CCNY: variants seen among roughly 807,000 people sequenced by gnomAD.
CCNY encodes cyclin-Y.
In CCNY, 19 loss-of-function variants were observed where a neutral mutation model predicts 42.8. The observed-to-expected ratio is 0.44, with a 90% confidence interval of 0.31 to 0.65. The LOEUF is 0.65. Ranked by LOEUF, CCNY falls within the 30% of genes least tolerant of loss-of-function variation. The pLI, the probability that CCNY is intolerant of heterozygous loss-of-function variation, is 0.07. For missense variants in CCNY, 370 were observed against 437.3 expected (o/e 0.85, Z 1.37); for synonymous variants, 165 against 162.7 (o/e 1.01, Z -0.11).
At chr10:35,376,862 A>G (rs1249826194) in intron 1 of CCNY, among the ~76,000 whole-genome samples, 1 of 152,232 alleles carries the variant, frequency 6.6e-6, no homozygotes, top group East Asian at 1.9e-4. Context: ...TAATAGAGAC[A>G]GGAAGTAGGT....
chr10:35,425,143 A>C (rs1838238978), intron 1 of CCNY, among the ~76,000 whole-genome samples: 1 of 152,228 alleles, frequency 6.6e-6, no homozygotes, highest in African/African-American at 2.4e-5. Context: ...AGAAACTGCC[A>C]GGCCGATGTT....
intron 1 of CCNY, chr10:35,434,107 C>G (rs1339676332): frequency 6.6e-6 from 1 of 152,218 alleles, no homozygotes; most frequent in Non-Finnish European, 1.5e-5. Flanking sequence ...AATTTATTCT[C>G]TTTAGGGTAT....
Position 35,570,974 on chromosome 10 carries a change from C to G in CCNY, c.*1804C>G, listed in dbSNP as rs570327449. 151 of 152,416 alleles carry G rather than the reference C, an allele frequency of 9.9e-4. No homozygotes were observed. Among genetic ancestry groups the G allele is most frequent in the African/African-American group, 3.3e-3 (137 of 41,564 alleles). 9.4% of individuals were successfully genotyped at this position (152,416 alleles called of 1,614,324 possible). On this transcript the variant is annotated 3_prime_UTR_variant, in exon 10 of 10. Transcript: ENST00000374704. ...TCCATTGTAATTGTGATGATCTACT[C>G]TGTATGGGTACCAAAATCACCTTCT...
At chr10:35,249,459 A>G (rs2095710317) in intron 2 of CCNY, among the ~76,000 whole-genome samples, 1 of 152,220 alleles carries the variant, frequency 6.6e-6, no homozygotes, top group Non-Finnish European at 1.5e-5. Flanking sequence ...TAAAAAAATA[A>G]CTAGAATGAT....
chr10:35,507,907 A>G (rs1181932070), intron 3 of CCNY, among the ~76,000 whole-genome samples: 1 of 151,988 alleles, frequency 6.6e-6, no homozygotes, highest in East Asian at 1.9e-4. Flanking sequence ...TGCCCTTTTC[A>G]AGACATCAAA....
At chr10:35,499,868 C>T (rs1354736621) in intron 2 of CCNY, among the ~76,000 whole-genome samples, 7 of 152,196 alleles carry the variant, frequency 4.6e-5, no homozygotes, top group African/African-American at 1.7e-4. Flanking sequence ...TCATCATATC[C>T]CCATCCTTGG....
At chr10:35,545,639 A>G (rs1350544187) in intron 7 of CCNY, among the ~76,000 whole-genome samples, 2 of 152,208 alleles carry the variant, frequency 1.3e-5, no homozygotes, top group African/African-American at 4.8e-5. Flanking sequence ...ACTTGGGGTT[A>G]GGACTTCAAC....
intron 1 of CCNY, among the ~76,000 whole-genome samples, chr10:35,368,428 A>G (rs1836856476): frequency 6.6e-6 from 1 of 152,198 alleles, no homozygotes; most frequent in Non-Finnish European, 1.5e-5. Flanking sequence ...TCTAATGTAA[A>G]ATTAAACTTT....
At position 35,530,353 on chromosome 10, in the gene CCNY, T is replaced by C. The variant is rs761040743; in HGVS notation, c.579+110T>C. ...GCAGGGAATCCTCACCAGGTTACCC[T>C]GTGGACACCGTGGCATAAGCTTCAG... On this transcript the variant is annotated intron_variant, in intron 7 of 9. Coordinates refer to ENST00000374704, the MANE Select transcript of CCNY (RefSeq NM_145012.6). The surrounding 1 kb of genome is among the most constrained non-coding windows in gnomAD (Gnocchi z 4.3). 5.9e-5 allele frequency: 79 copies of C among 1,336,200 alleles called. No individual in the cohort carries two copies. Among genetic ancestry groups the C allele is most frequent in the Non-Finnish European group, 7.6e-5 (73 of 960,366 alleles). The allele number at this position is 1,336,200 out of a possible 1,614,324, so 82.8% of individuals were successfully genotyped here.
At chr10:35,423,361 A>G (rs143770128) in intron 1 of CCNY, among the ~76,000 whole-genome samples, 9 of 151,976 alleles carry the variant, frequency 5.9e-5, no homozygotes, top group Middle Eastern at 3.4e-3. Context: ...TGTATTCTCA[A>G]CTACTTGGGA....
At chr10:35,465,266 G>A (rs953754660) in intron 1 of CCNY, among the ~76,000 whole-genome samples, 3 of 152,130 alleles carry the variant, frequency 2.0e-5, no homozygotes, top group Non-Finnish European at 4.4e-5. Flanking sequence ...TTCACTGACC[G>A]ATGGCCCCTC....
intron 3 of CCNY, among the ~76,000 whole-genome samples, chr10:35,328,049 C>T (rs1024276121): frequency 6.6e-6 from 1 of 152,178 alleles, no homozygotes; most frequent in Non-Finnish European, 1.5e-5. Flanking sequence ...TAGCAGAGAA[C>T]GATAACACTT....
intron 1 of CCNY, among the ~76,000 whole-genome samples, chr10:35,453,789 G>A (rs1040320199): frequency 3.9e-5 from 6 of 151,964 alleles, no homozygotes; most frequent in African/African-American, 1.5e-4. Flanking sequence ...TAACCATATT[G>A]ATGTTTTACT....
At chr10:35,514,632 T>A (rs1410864940) in intron 3 of CCNY, among the ~76,000 whole-genome samples, 1 of 152,248 alleles carries the variant, frequency 6.6e-6, no homozygotes, top group Non-Finnish European at 1.5e-5. Context: ...TATATTTTCT[T>A]AGGGAAACCA....
chr10:35,293,536 C>T (rs1835438239), intron 3 of CCNY, among the ~76,000 whole-genome samples: 1 of 152,152 alleles, frequency 6.6e-6, no homozygotes, highest in South Asian at 2.1e-4. Context: ...TGCACTGAAT[C>T]TGTAGGTCAA....
rs1443011998 is a variant in CCNY, at chr10:35,532,323, T to G, written c.579+2080T>G. Among the ~76,000 whole-genome samples, 3 of 152,204 alleles carry G rather than the reference T, an allele frequency of 2.0e-5. No individual in the cohort carries two copies. In the East Asian group the frequency reaches 5.8e-4, roughly 29 times the overall value. ...AGAGATGCATTCATTAAGCCCTTAT[T>G]TTCACTGGGCATGTGTTTGGCATCT... On this transcript the variant is annotated intron_variant, in intron 7 of 9. Transcript: ENST00000374704.
At chr10:35,410,557 G>A (rs1023623695) in intron 1 of CCNY, among the ~76,000 whole-genome samples, 1 of 152,234 alleles carries the variant, frequency 6.6e-6, no homozygotes, top group African/African-American at 2.4e-5. Context: ...AAGAGTTTCT[G>A]TGCACTGTGG....
At chr10:35,393,685 T>C (rs1837463102) in intron 1 of CCNY, among the ~76,000 whole-genome samples, 1 of 152,166 alleles carries the variant, frequency 6.6e-6, no homozygotes, top group South Asian at 2.1e-4. Context: ...CTTCTTTGCA[T>C]TCAGTAGATT....
At chr10:35,393,989 G>T (rs1443715500) in intron 1 of CCNY, among the ~76,000 whole-genome samples, 3 of 152,236 alleles carry the variant, frequency 2.0e-5, no homozygotes, top group African/African-American at 7.2e-5. Context: ...AATGCAGTTT[G>T]TCCAGAGACA....
Sources: gnomAD v4.1 joint callset for allele counts (sites outside exome capture counted in the v4.1 genomes callset) on GRCh38, gnomAD v4.1.1 for gene constraint, Gnocchi (gnomAD v3.1) non-coding constraint, MANE v1.5 for transcripts, NCBI Gene and HGNC (gene_info 2026-07-23, HGNC 2026-07-21) for gene names.